The following SV2C variants were observed in gnomAD, a reference collection of about 807,000 sequenced individuals.
SV2C encodes the protein solute carrier family 22 member B3.
A neutral mutation model predicts 79.7 loss-of-function variants in SV2C; 49 were observed. The observed-to-expected ratio is 0.61, with a 90% CI of 0.49 to 0.78. The LOEUF (loss-of-function observed/expected upper bound fraction) is 0.78, where lower values mean the gene tolerates loss of function less well. SV2C is among the 30% of genes least tolerant of loss of function. The probability of loss-of-function intolerance (pLI) is 0.00; values close to 1 mark genes in which losing one functional copy is unlikely to be tolerated. For missense variants in SV2C, 833 were observed against 912.9 expected, an observed-to-expected ratio of 0.91 and a Z score of 1.13; for synonymous variants, 334 against 333.2, an observed-to-expected ratio of 1.00 and a Z score of -0.03.
chr5:76,201,793 CG>C (rs1157107798), intron 3 of SV2C, among the ~76,000 whole-genome samples: 2 of 151,820 alleles, frequency 1.3e-5, no homozygotes, highest in Non-Finnish European at 2.9e-5. Flanking sequence ...CTGAGGTGGG[CG>C]GATCACGAGG....
At chr5:76,010,193 G>A in the SV2C span, among the ~76,000 whole-genome samples, 1 of 152,136 alleles carries the variant, frequency 6.6e-6, no homozygotes, top group African/African-American at 2.4e-5. Flanking sequence ...CCAGAATGTA[G>A]AGTGAACAGG....
At chr5:75,871,834 TAC>T in the SV2C span, among the ~76,000 whole-genome samples, 2,275 of 118,766 alleles carry the variant, frequency 0.019, 56 homozygotes, top group African/African-American at 0.064. Flanking sequence ...TATATATATA[TAC>T]ACACACACAC....
the SV2C span, among the ~76,000 whole-genome samples, chr5:75,953,029 GA>G: frequency 6.8e-3 from 1,030 of 151,912 alleles, 8 homozygotes; most frequent in Non-Finnish European, 0.011. Context: ...AATTTATAAA[GA>G]AAAAAAGGTT....
intron 2 of SV2C, among the ~76,000 whole-genome samples, chr5:76,141,047 C>T (rs1307522595): frequency 6.6e-6 from 1 of 152,144 alleles, no homozygotes; most frequent in African/African-American, 2.4e-5. Context: ...CATTATGGTC[C>T]TGGATCTTAT....
At chr5:76,039,096 A>G in the SV2C span, among the ~76,000 whole-genome samples, 2 of 152,246 alleles carry the variant, frequency 1.3e-5, no homozygotes, top group African/African-American at 2.4e-5. Context: ...GAAGAAATGG[A>G]CACACCTTGG....
the SV2C span, among the ~76,000 whole-genome samples, chr5:76,038,873 C>T: frequency 6.6e-6 from 1 of 152,170 alleles, no homozygotes; most frequent in African/African-American, 2.4e-5. Context: ...ATAATCAAGT[C>T]AATATGCACC....
the SV2C span, among the ~76,000 whole-genome samples, chr5:76,066,800 A>T: frequency 6.6e-6 from 1 of 150,704 alleles, no homozygotes; most frequent in Non-Finnish European, 1.5e-5. Context: ...CCTGTTAAAA[A>T]AAAAAAAAAA....
chr5:76,126,104 A>T (rs1748697157), intron 1 of SV2C, among the ~76,000 whole-genome samples: 1 of 152,116 alleles, frequency 6.6e-6, no homozygotes, highest in Non-Finnish European at 1.5e-5. Flanking sequence ...CCTTTTTACT[A>T]GTTTCCTGTT....
intron 1 of SV2C, among the ~76,000 whole-genome samples, chr5:76,112,488 G>C (rs532286667): frequency 6.6e-6 from 1 of 152,298 alleles, no homozygotes; most frequent in South Asian, 2.1e-4. Flanking sequence ...GGCCTTGTGC[G>C]CCAAGGGGAT....
At chr5:75,876,268 G>A in the SV2C span, among the ~76,000 whole-genome samples, 2 of 151,974 alleles carry the variant, frequency 1.3e-5, no homozygotes, top group Non-Finnish European at 1.5e-5. Flanking sequence ...GTCTTTTTTG[G>A]GAACATGGAT....
chr5:76,296,201 G>A, intron 9 of SV2C: 1 of 223,774 alleles, frequency 4.5e-6, no homozygotes, highest in Non-Finnish European at 8.7e-6. Context: ...TGGTGTGGAA[G>A]GAAAATTTAG....
chr5:75,949,248 C>T, the SV2C span, among the ~76,000 whole-genome samples: 1 of 151,988 alleles, frequency 6.6e-6, no homozygotes, highest in East Asian at 1.9e-4. Context: ...AACTGTGAGC[C>T]AATTAAACCT....
the SV2C span, among the ~76,000 whole-genome samples, chr5:76,056,624 C>CTTTTTTTTT: frequency 1.5e-4 from 10 of 65,684 alleles, no homozygotes; most frequent in Non-Finnish European, 2.3e-4. Context: ...CCTGGGCTTT[C>CTTTTTTTTT]TTTTTTTTTT....
At chr5:76,219,152 C>A (rs1291837445) in intron 4 of SV2C, among the ~76,000 whole-genome samples, 24 of 152,114 alleles carry the variant, frequency 1.6e-4, no homozygotes, top group Admixed American at 1.6e-3. Context: ...AGAGCCCTGT[C>A]CTCTCATCCT....
the SV2C span, among the ~76,000 whole-genome samples, chr5:75,964,381 C>A: frequency 6.6e-6 from 1 of 152,088 alleles, no homozygotes; most frequent in East Asian, 1.9e-4. Flanking sequence ...TCAAGTATTT[C>A]TTTTACTTTA....
chr5:76,187,767 A>G (rs545434754), intron 2 of SV2C, among the ~76,000 whole-genome samples: 2 of 148,146 alleles, frequency 1.4e-5, no homozygotes, highest in South Asian at 2.1e-4. Context: ...AAAAAAAAAT[A>G]TGTCTTAGGG....
chr5:76,172,074 C>A (rs1743300493), intron 2 of SV2C, among the ~76,000 whole-genome samples: 4 of 64,224 alleles, frequency 6.2e-5, no homozygotes, highest in Admixed American at 4.5e-4. Context: ...AAGTGAGGAG[C>A]CCCTCTGCCC....
At chr5:75,915,884 A>C in the SV2C span, among the ~76,000 whole-genome samples, 1 of 152,192 alleles carries the variant, frequency 6.6e-6, no homozygotes, top group Non-Finnish European at 1.5e-5. Flanking sequence ...CATTCTGAGC[A>C]GGAGAAAGAG....
chr5:76,205,148 C>T (rs201196547), intron 3 of SV2C, among the ~76,000 whole-genome samples: 14 of 149,070 alleles, frequency 9.4e-5, no homozygotes, highest in Non-Finnish European at 1.3e-4. Flanking sequence ...AGGTGTTGTG[C>T]GTGTGTGTGT....
Sources: gnomAD v4.1 joint callset for allele counts (sites outside exome capture counted in the v4.1 genomes callset) on GRCh38, gnomAD v4.1.1 for gene constraint, MANE v1.5 for transcripts, NCBI Gene and HGNC (gene_info 2026-07-23, HGNC 2026-07-21) for gene names.